THSD4: variants seen among roughly 807,000 people sequenced by gnomAD.
THSD4 encodes thrombospondin type-1 domain-containing protein 4.
In THSD4, 69 loss-of-function variants were observed where a neutral mutation model predicts 119.0. That is an observed-to-expected ratio of 0.58 (90% CI 0.48 to 0.71). The LOEUF (loss-of-function observed/expected upper bound fraction) is 0.71, where lower values mean the gene tolerates loss of function less well. Among genes scored for constraint, THSD4 ranks in the 30% least tolerant of loss-of-function variants. The probability of loss-of-function intolerance (pLI) is 0.00; values close to 1 mark genes in which losing one functional copy is unlikely to be tolerated. For synonymous variants in THSD4, 524 were observed against 540.4 expected, an observed-to-expected ratio of 0.97 and a Z score of 0.42; for missense variants, 1,393 against 1,391.1, an observed-to-expected ratio of 1.00 and a Z score of -0.02.
rs142773578 is a variant in THSD4, at chr15:71,511,260, G to A, written c.1152+99437G>A. On this transcript the variant is annotated intron_variant, in intron 7 of 17. Transcript: ENST00000261862. ...TGAGGGACGTTTTAACAGACATTTG[G>A]TATTGGACTGAGGCAGAGTTTGGGG... 3.1e-3 allele frequency among the ~76,000 whole-genome samples: 469 copies of A among 152,280 alleles called. 5 individuals are homozygous for A. Among genetic ancestry groups the A allele is most frequent in the African/African-American group, 0.011 (455 of 41,552 alleles).
intron 7 of THSD4, among the ~76,000 whole-genome samples, chr15:71,517,644 C>T (rs1473752540): frequency 6.6e-6 from 1 of 152,198 alleles, no homozygotes; most frequent in Admixed American, 6.5e-5. Flanking sequence ...TGTGTTAATG[C>T]ACATAAAACG....
Position 71,780,593 on chromosome 15 carries a change from G to T in THSD4, c.*3219G>T, listed in dbSNP as rs1347239150. 2.3e-6 allele frequency: 1 copy of T among 443,090 alleles called. No individual in the cohort carries two copies. The highest frequency in any genetic ancestry group is 2.6e-5 in the Admixed American group (1 of 38,714). 27.4% of individuals were successfully genotyped at this position (443,090 alleles called of 1,614,324 possible). A position where few individuals can be genotyped will look rare whatever the true frequency, so the allele number is the denominator to read the frequency against. On this transcript the variant is annotated 3_prime_UTR_variant, in exon 18 of 18. Transcript: ENST00000261862. Reference sequence around the variant, plus strand: ...CACTAGAGGGAGTCAGTTCAGTTCCGTAAAGGTATGCTCAGTGCCCGCTGC... The same window carrying T: ...CACTAGAGGGAGTCAGTTCAGTTCCTTAAAGGTATGCTCAGTGCCCGCTGC...
chr15:71,643,307 C>CT (rs1384372774), intron 7 of THSD4, among the ~76,000 whole-genome samples: 1 of 151,962 alleles, frequency 6.6e-6, no homozygotes, highest in Non-Finnish European at 1.5e-5. Flanking sequence ...AAATTAATTT[C>CT]TTTTTTGAGA....
upstream of THSD4, chr15:71,111,800 GCA>G (rs1465492527): frequency 7.6e-6 from 4 of 524,384 alleles, no homozygotes; most frequent in African/African-American, 1.9e-5. Context: ...ATTCTCTGAA[GCA>G]CAGTTAGGAT....
At chr15:71,469,860 T>C (rs186732003) in intron 7 of THSD4, among the ~76,000 whole-genome samples, 4 of 152,274 alleles carry the variant, frequency 2.6e-5, no homozygotes, top group Admixed American at 6.5e-5. Context: ...CTAAATGATA[T>C]ACAAAGACCA....
At chr15:71,733,170 G>A (rs940737480) in intron 10 of THSD4, 1 of 152,184 alleles carries the variant, frequency 6.6e-6, no homozygotes, top group Admixed American at 6.5e-5. Context: ...ATAGCATGGG[G>A]GTTCTGGGAT....
chr15:71,288,660 G>A (rs1217741318), intron 6 of THSD4, among the ~76,000 whole-genome samples: 3 of 152,306 alleles, frequency 2.0e-5, no homozygotes, highest in East Asian at 1.9e-4. Flanking sequence ...AATCAACACA[G>A]TGATTACAGA....
At chr15:71,148,008 TA>T (rs1230210730) in intron 2 of THSD4, among the ~76,000 whole-genome samples, 5 of 137,616 alleles carry the variant, frequency 3.6e-5, no homozygotes, top group Non-Finnish European at 7.7e-5. Context: ...TGTACTGTGA[TA>T]AACCACCTCA....
At position 71,252,900 on chromosome 15, in the gene THSD4, C is replaced by A. The variant is rs144783275; in HGVS notation, c.913-3713C>A. The stretch of plus-strand genomic sequence containing the variant: ...CATCATCATCATCATCATCATCAGT[C>A]CAGGCTTCTGCCTTCCTTGCCTGTA... On this transcript the variant is annotated intron_variant, in intron 5 of 17. Coordinates refer to ENST00000261862, the MANE Select transcript of THSD4 (RefSeq NM_024817.3). 7.7e-3 allele frequency among the ~76,000 whole-genome samples: 1,109 copies of A among 144,700 alleles called. 6 individuals are homozygous for A. Among genetic ancestry groups the A allele is most frequent in the Non-Finnish European group, 9.7e-3 (653 of 67,110 alleles). The allele number at this position is 144,700 out of a possible 152,430, so 94.9% of individuals were successfully genotyped here.
At chr15:71,207,641 A>G (rs1248086624) in intron 3 of THSD4, among the ~76,000 whole-genome samples, 1 of 152,210 alleles carries the variant, frequency 6.6e-6, no homozygotes, top group South Asian at 2.1e-4. Context: ...AGCGGGCATT[A>G]CCATCTGAGC....
At chr15:71,118,748 C>T in intron 1 of THSD4, among the ~76,000 whole-genome samples, 1 of 152,126 alleles carries the variant, frequency 6.6e-6, no homozygotes, top group East Asian at 1.9e-4. Flanking sequence ...GTTGAATATC[C>T]TCGCTGTGAA....
chr15:71,509,528 A>G (rs1287841845), intron 7 of THSD4, among the ~76,000 whole-genome samples: 1 of 152,240 alleles, frequency 6.6e-6, no homozygotes, highest in African/African-American at 2.4e-5. Context: ...TAGTTATACA[A>G]TGGTAGATGA....
chr15:71,253,804 A>G (rs547347380), intron 5 of THSD4, among the ~76,000 whole-genome samples: 5 of 152,366 alleles, frequency 3.3e-5, no homozygotes, highest in African/African-American at 1.2e-4. Flanking sequence ...AAAAACATCT[A>G]TAACATCACC....
chr15:71,392,595 T>G (rs1412278765), intron 6 of THSD4, among the ~76,000 whole-genome samples: 2 of 152,206 alleles, frequency 1.3e-5, no homozygotes, highest in Non-Finnish European at 2.9e-5. Flanking sequence ...CCTGCCACAT[T>G]TCTTTGAATA....
At chr15:71,161,507 C>CT (rs1056348199) in intron 3 of THSD4, among the ~76,000 whole-genome samples, 1 of 151,962 alleles carries the variant, frequency 6.6e-6, no homozygotes, top group Non-Finnish European at 1.5e-5. Flanking sequence ...TAATGACCTT[C>CT]TTTTTACAGT....
Position 71,728,569 on chromosome 15 carries a change from C to T in THSD4, c.1378C>T (p.Arg460Cys), listed in dbSNP as rs753141439. 12 of 1,614,024 alleles carry T rather than the reference C, an allele frequency of 7.4e-6. No individual in the cohort carries two copies. Among genetic ancestry groups the T allele is most frequent in the Non-Finnish European group, 9.3e-6 (11 of 1,180,048 alleles). Residue 460 changes from arginine (R) to cysteine (C), a missense_variant, in exon 9 of 18, where the codon CGC (arginine) becomes TGC (cysteine). Arg to Cys is a radical substitution (Grantham distance 180). Coordinates refer to ENST00000261862, the MANE Select transcript of THSD4 (RefSeq NM_024817.3). ...NYLALRSRSG[R>C]SIINGNWAID... The stretch of plus-strand genomic sequence containing the variant: ...AACAGCCCTGAGAAGTCGTTCTGGA[C>T]GCTCCATCATCAATGGGAACTGGGC...
At chr15:71,721,506 TAAA>T (rs56273435) in intron 8 of THSD4, among the ~76,000 whole-genome samples, 1 of 143,812 alleles carries the variant, frequency 7.0e-6, no homozygotes, top group Non-Finnish European at 1.5e-5. Context: ...GATTCTGTCT[TAAA>T]AAAAAAAAAA....
At chr15:71,566,523 G>T (rs914027883) in intron 7 of THSD4, among the ~76,000 whole-genome samples, 1 of 152,130 alleles carries the variant, frequency 6.6e-6, no homozygotes, top group Non-Finnish European at 1.5e-5. Flanking sequence ...AAAGGGTGGG[G>T]CTTGGAGTCC....
At chr15:71,326,887 G>T (rs1405233092) in intron 6 of THSD4, among the ~76,000 whole-genome samples, 1 of 149,544 alleles carries the variant, frequency 6.7e-6, no homozygotes, top group Admixed American at 6.7e-5. Context: ...AAGCAAACAG[G>T]CCGAGCATGG....
Sources: gnomAD v4.1 joint callset for allele counts (sites outside exome capture counted in the v4.1 genomes callset) on GRCh38, gnomAD v4.1.1 for gene constraint, MANE v1.5 for transcripts, NCBI Gene and HGNC (gene_info 2026-07-23, HGNC 2026-07-21) for gene names.